The following ABLIM3 variants were observed in gnomAD, a reference collection of about 807,000 sequenced individuals.
ABLIM3 encodes the protein actin-binding LIM protein 3.
Under a neutral mutation model 109.5 loss-of-function variants are expected in ABLIM3, and 61 were observed. That is an observed-to-expected ratio of 0.56 (90% CI 0.45 to 0.69). The LOEUF (loss-of-function observed/expected upper bound fraction) is 0.69. ABLIM3 is among the 30% of genes least tolerant of loss of function. ABLIM3 has a pLI of 0.00. For missense variants in ABLIM3, 796 were observed against 889.5 expected, an observed-to-expected ratio of 0.89 and a Z score of 1.34; for synonymous variants, 300 against 324.8, an observed-to-expected ratio of 0.92 and a Z score of 0.82.
chr5:149,155,964 C>A (rs1753837565), intron 2 of ABLIM3, among the ~76,000 whole-genome samples: 1 of 152,212 alleles, frequency 6.6e-6, no homozygotes, highest in African/African-American at 2.4e-5. Context: ...ATCTCCCCAG[C>A]AACACATACC....
At chr5:149,173,681 T>G (rs953160741) in intron 2 of ABLIM3, among the ~76,000 whole-genome samples, 18 of 151,978 alleles carry the variant, frequency 1.2e-4, no homozygotes, top group African/African-American at 4.1e-4. Context: ...GGCCTTAAAG[T>G]GCCTGGCAGT....
intron 8 of ABLIM3, chr5:149,220,238 C>T (rs1366139896): frequency 6.6e-6 from 1 of 152,188 alleles, no homozygotes; most frequent in African/African-American, 2.4e-5. Context: ...CTCACAGCCT[C>T]ACAGGTTAGT....
At chr5:149,229,829 C>T (rs1348869246) in intron 8 of ABLIM3, among the ~76,000 whole-genome samples, 1 of 152,244 alleles carries the variant, frequency 6.6e-6, no homozygotes, top group Non-Finnish European at 1.5e-5. Flanking sequence ...ACCTGTTGCT[C>T]ATGCCTTTCC....
At chr5:149,194,724 A>T (rs1757790925) in intron 3 of ABLIM3, among the ~76,000 whole-genome samples, 1 of 152,220 alleles carries the variant, frequency 6.6e-6, no homozygotes, top group South Asian at 2.1e-4. Flanking sequence ...AAAAGTGGCC[A>T]AACTAAACAA....
At chr5:149,181,797 G>T (rs189995320) in intron 2 of ABLIM3, among the ~76,000 whole-genome samples, 1 of 152,342 alleles carries the variant, frequency 6.6e-6, no homozygotes, top group African/African-American at 2.4e-5. Flanking sequence ...TGTCAGATCC[G>T]AGGTTATGCT....
intron 6 of ABLIM3, among the ~76,000 whole-genome samples, chr5:149,208,082 C>T (rs971476739): frequency 6.8e-4 from 103 of 152,210 alleles, no homozygotes; most frequent in African/African-American, 2.4e-3. Flanking sequence ...CAGTCTAATA[C>T]GGGAAACAGA....
At chr5:149,181,581 A>G (rs190653154) in intron 2 of ABLIM3, among the ~76,000 whole-genome samples, 1 of 152,358 alleles carries the variant, frequency 6.6e-6, no homozygotes, top group Admixed American at 6.5e-5. Flanking sequence ...AGCCAGTTTC[A>G]GTGCTAAGCA....
intron 6 of ABLIM3, among the ~76,000 whole-genome samples, chr5:149,209,446 G>A (rs1759329834): frequency 6.6e-6 from 1 of 152,186 alleles, no homozygotes; most frequent in Admixed American, 6.5e-5. Context: ...AAAATGGAGA[G>A]AAGATGATCT....
intron 15 of ABLIM3, 22 bp downstream of exon 15, chr5:149,242,560 G>T (rs1373483007): frequency 6.2e-7 from 1 of 1,613,748 alleles, no homozygotes; most frequent in Non-Finnish European, 8.5e-7. Context: ...GGTAGATAGG[G>T]CTTGGCCACA....
At chr5:149,184,807 T>C (rs766214792) in intron 3 of ABLIM3, among the ~76,000 whole-genome samples, 1 of 152,186 alleles carries the variant, frequency 6.6e-6, no homozygotes, top group African/African-American at 2.4e-5. Context: ...TCCCCTGCCA[T>C]TGTGAAAATC....
At chr5:149,181,463 C>A (rs1352636519) in intron 2 of ABLIM3, among the ~76,000 whole-genome samples, 1 of 152,066 alleles carries the variant, frequency 6.6e-6, no homozygotes, top group Non-Finnish European at 1.5e-5. Context: ...TGATTTTTGT[C>A]TTGAATTTAA....
intron 3 of ABLIM3, among the ~76,000 whole-genome samples, 184 bp downstream of exon 3, chr5:149,183,773 G>C (rs115469767): frequency 2.0e-5 from 3 of 152,164 alleles, no homozygotes; most frequent in Admixed American, 2.0e-4. Context: ...GTATTGGTAC[G>C]TGAGGGAGAC....
chr5:149,170,851 A>G (rs948244119), intron 2 of ABLIM3, among the ~76,000 whole-genome samples: 2 of 151,952 alleles, frequency 1.3e-5, no homozygotes, highest in Admixed American at 6.6e-5. Flanking sequence ...CTTTCCTCCT[A>G]CTGTCTTTTG....
intron 5 of ABLIM3, among the ~76,000 whole-genome samples, chr5:149,205,742 G>C (rs1166136762): frequency 6.6e-6 from 1 of 152,184 alleles, no homozygotes; most frequent in Non-Finnish European, 1.5e-5. Flanking sequence ...CATTTTGCAA[G>C]TAGAGACCTT....
intron 2 of ABLIM3, among the ~76,000 whole-genome samples, chr5:149,142,457 T>C (rs1005034237): frequency 6.6e-6 from 1 of 151,966 alleles, no homozygotes; most frequent in Non-Finnish European, 1.5e-5. Context: ...TGGAAAACCA[T>C]GGAGGGCCCT....
At chr5:149,189,062 T>C (rs1011995384) in intron 3 of ABLIM3, among the ~76,000 whole-genome samples, 2 of 152,210 alleles carry the variant, frequency 1.3e-5, no homozygotes, top group Middle Eastern at 3.2e-3. Flanking sequence ...CTTATATTTA[T>C]GGTTGGTTAA....
chr5:149,172,963 G>A (rs1234348308), intron 2 of ABLIM3, among the ~76,000 whole-genome samples: 1 of 152,198 alleles, frequency 6.6e-6, no homozygotes, highest in African/African-American at 2.4e-5. Context: ...TGACAGACAA[G>A]GAAGTGATTC....
Position 149,259,788 on chromosome 5 carries a change from T to G in ABLIM3, c.*1384T>G, listed in dbSNP as rs905811625. Reference sequence around the variant, plus strand: ...CCATTTTGAGATCATGGAGGAAGGATGAAGAAGTGAAAATGACAATAATGA... The same window carrying G: ...CCATTTTGAGATCATGGAGGAAGGAGGAAGAAGTGAAAATGACAATAATGA... On this transcript the variant is annotated 3_prime_UTR_variant, in exon 24 of 24. Coordinates refer to ENST00000309868, the MANE Select transcript of ABLIM3 (RefSeq NM_014945.5). 3 of 604,412 alleles carry G rather than the reference T, an allele frequency of 5.0e-6. No homozygotes were observed. The African/African-American group carries it at 5.6e-5, about 11-fold the overall frequency. 37.4% of individuals were successfully genotyped at this position (604,412 alleles called of 1,614,324 possible).
intron 2 of ABLIM3, among the ~76,000 whole-genome samples, chr5:149,183,051 T>C (rs1756598104): frequency 6.6e-6 from 1 of 152,224 alleles, no homozygotes; most frequent in African/African-American, 2.4e-5. Flanking sequence ...CCCACTTCTT[T>C]GAAACTTCTG....
Sources: allele counts gnomAD v4.1 joint callset (sites outside exome capture counted in the v4.1 genomes callset), GRCh38; gene constraint gnomAD v4.1.1; transcripts MANE v1.5; gene names NCBI Gene and HGNC (gene_info 2026-07-23, HGNC 2026-07-21).